Variants in TMTC1 observed in about 807,000 individuals in gnomAD.
The protein encoded by TMTC1 is protein O-mannosyl-transferase TMTC1.
A neutral mutation model predicts 104.8 loss-of-function variants in TMTC1; 73 were observed. The observed-to-expected ratio is 0.70, with a 90% CI of 0.58 to 0.85. The LOEUF (loss-of-function observed/expected upper bound fraction) is 0.85. TMTC1 is among the 40% of genes least tolerant of loss of function. The probability of loss-of-function intolerance (pLI) is 0.00; values close to 1 mark genes in which losing one functional copy is unlikely to be tolerated. For synonymous variants in TMTC1, 434 were observed against 428.7 expected (o/e 1.01, Z -0.15); for missense variants, 1,035 against 1,096.1 (o/e 0.94, Z 0.79).
chr12:29,754,195 A>G (rs1432977894), intron 4 of TMTC1, among the ~76,000 whole-genome samples: 1 of 137,900 alleles, frequency 7.3e-6, no homozygotes, highest in Non-Finnish European at 1.6e-5. Context: ...AAAAAAAAAA[A>G]GACCCAGACT....
At chr12:29,643,265 C>T (rs1213341472) in intron 5 of TMTC1, among the ~76,000 whole-genome samples, 1 of 151,316 alleles carries the variant, frequency 6.6e-6, no homozygotes, top group African/African-American at 2.4e-5. Context: ...AGTAGATCTA[C>T]CATTTGATGC....
At chr12:29,648,731 T>C (rs951827361) in intron 5 of TMTC1, among the ~76,000 whole-genome samples, 8 of 152,240 alleles carry the variant, frequency 5.3e-5, no homozygotes, top group African/African-American at 1.9e-4. Flanking sequence ...TTCTATTAGC[T>C]ACATTAAAAA....
intron 5 of TMTC1, among the ~76,000 whole-genome samples, chr12:29,642,651 C>T (rs113094413): frequency 0.015 from 2,304 of 152,090 alleles, 58 homozygotes; most frequent in African/African-American, 0.053. Context: ...ATAGGCCAGG[C>T]GCAGTGGCTC....
At chr12:29,710,502 T>C (rs890305570) in intron 5 of TMTC1, among the ~76,000 whole-genome samples, 3 of 147,972 alleles carry the variant, frequency 2.0e-5, no homozygotes, top group Admixed American at 1.4e-4. Context: ...AGAAGATGAT[T>C]TTTAAAGAAG....
chr12:29,692,022 C>T (rs1162725769), intron 5 of TMTC1, among the ~76,000 whole-genome samples: 1 of 145,168 alleles, frequency 6.9e-6, no homozygotes, highest in Non-Finnish European at 1.5e-5. Context: ...ACTCTCAGCT[C>T]ATGAGCACAT....
chr12:29,710,883 AT>A (rs1328448188), intron 5 of TMTC1, among the ~76,000 whole-genome samples: 8 of 131,636 alleles, frequency 6.1e-5, no homozygotes, highest in African/African-American at 2.4e-4. Context: ...TATAAATTAT[AT>A]TATTAATATA....
chr12:29,662,956 TC>T (rs1325032210), intron 5 of TMTC1, among the ~76,000 whole-genome samples: 1 of 152,152 alleles, frequency 6.6e-6, no homozygotes, highest in African/African-American at 2.4e-5. Flanking sequence ...CCTTTCATCT[TC>T]CTTAGCTGCC....
At chr12:29,749,748 A>G (rs1943042750) in intron 5 of TMTC1, among the ~76,000 whole-genome samples, 1 of 152,078 alleles carries the variant, frequency 6.6e-6, no homozygotes, top group African/African-American at 2.4e-5. Context: ...TTTTCCACTT[A>G]GTAACTAATG....
chr12:29,716,471 T>C (rs1343846087), intron 5 of TMTC1, among the ~76,000 whole-genome samples: 2 of 152,108 alleles, frequency 1.3e-5, no homozygotes, highest in East Asian at 3.9e-4. Context: ...GATTAAAAAA[T>C]AACATTAATA....
intron 5 of TMTC1, among the ~76,000 whole-genome samples, chr12:29,634,526 T>C (rs928522919): frequency 1.3e-5 from 2 of 152,172 alleles, no homozygotes; most frequent in South Asian, 2.1e-4. Flanking sequence ...TCTGCACAAA[T>C]CAGAATGAAG....
chr12:29,659,866 T>A (rs1239048599), intron 5 of TMTC1: 43 of 1,503,814 alleles, frequency 2.9e-5, no homozygotes, highest in Non-Finnish European at 3.5e-5. Context: ...TTTAAAAAAA[T>A]TATTTATACT....
At chr12:29,601,893 T>C (rs954035857) in intron 7 of TMTC1, among the ~76,000 whole-genome samples, 2 of 145,096 alleles carry the variant, frequency 1.4e-5, no homozygotes, top group East Asian at 4.2e-4. Flanking sequence ...TGGAGTGCAG[T>C]GGCGCGATCT....
chr12:29,754,718 C>T (rs1943174866), intron 4 of TMTC1, among the ~76,000 whole-genome samples: 1 of 152,142 alleles, frequency 6.6e-6, no homozygotes, highest in Non-Finnish European at 1.5e-5. Flanking sequence ...CAAGTTTTTA[C>T]AAGCCTCTGA....
intron 8 of TMTC1, among the ~76,000 whole-genome samples, chr12:29,580,715 G>A (rs1173711426): frequency 6.6e-6 from 1 of 152,066 alleles, no homozygotes; most frequent in African/African-American, 2.4e-5. Context: ...GCTAATTTAG[G>A]TTTTTCTCCT....
At chr12:29,710,920 TATATAA>T (rs200029263) in intron 5 of TMTC1, among the ~76,000 whole-genome samples, 14 of 28,672 alleles carry the variant, frequency 4.9e-4, no homozygotes, top group East Asian at 4.5e-3. Flanking sequence ...TATATAAATA[TATATAA>T]ATATATTAAT....
At chr12:29,701,265 G>A (rs1941586182) in intron 5 of TMTC1, among the ~76,000 whole-genome samples, 1 of 152,142 alleles carries the variant, frequency 6.6e-6, no homozygotes, top group Non-Finnish European at 1.5e-5. Flanking sequence ...CCTGCTGCGG[G>A]AGTAAGATTG....
At chr12:29,593,252 G>A (rs141887931) in intron 7 of TMTC1, among the ~76,000 whole-genome samples, 1 of 152,306 alleles carries the variant, frequency 6.6e-6, no homozygotes, top group East Asian at 1.9e-4. Flanking sequence ...AAGAATTGTT[G>A]TGTGGAATAA....
intron 5 of TMTC1, among the ~76,000 whole-genome samples, chr12:29,699,649 C>CTTTT (rs71444337): frequency 4.3e-4 from 37 of 86,870 alleles, no homozygotes; most frequent in Non-Finnish European, 5.7e-4. Context: ...TCATCTGGTG[C>CTTTT]TTTTTTTTTT....
At chr12:29,728,497 A>G (rs1488935377) in intron 5 of TMTC1, among the ~76,000 whole-genome samples, 1 of 152,118 alleles carries the variant, frequency 6.6e-6, no homozygotes, top group Admixed American at 6.5e-5. Flanking sequence ...TCATTTCACA[A>G]GTCAGGGAAA....
Sources: allele counts gnomAD v4.1 joint callset (sites outside exome capture counted in the v4.1 genomes callset), GRCh38; gene constraint gnomAD v4.1.1; transcripts MANE v1.5; gene names NCBI Gene and HGNC (gene_info 2026-07-23, HGNC 2026-07-21).